CDH3: variants seen among roughly 807,000 people sequenced by gnomAD.
CDH3 encodes cadherin 3, also known as cadherin-3.
A neutral mutation model predicts 82.0 loss-of-function variants in CDH3; 54 were observed. The observed-to-expected ratio is 0.66, with a 90% CI of 0.53 to 0.83. The LOEUF is 0.83. Among genes scored for constraint, CDH3 ranks in the 40% least tolerant of loss-of-function variants. The pLI, the probability that CDH3 is intolerant of heterozygous loss-of-function variation, is 0.00. For missense variants in CDH3, 1,054 were observed against 1,084.6 expected, an observed-to-expected ratio of 0.97 and a Z score of 0.40; for synonymous variants, 446 against 437.9, an observed-to-expected ratio of 1.02 and a Z score of -0.23.
chr16:68,705,518 T>C (rs1384663747), intron 1 of CDH3, among the ~76,000 whole-genome samples: 1 of 151,724 alleles, frequency 6.6e-6, no homozygotes, highest in Non-Finnish European at 1.5e-5. Context: ...ACCTCCCGAG[T>C]TCAAGTGATC....
intron 2 of CDH3, among the ~76,000 whole-genome samples, chr16:68,665,789 C>G (rs994843406): frequency 6.6e-6 from 1 of 152,106 alleles, no homozygotes; most frequent in Non-Finnish European, 1.5e-5. Flanking sequence ...GGAAGACTCA[C>G]CTCCTAAGGG....
rs1295259099 is a variant in CDH3 at position 68,646,124 on chromosome 16, C to T, written c.160+374C>T. 2.9e-5 allele frequency: 8 copies of T among 272,362 alleles called. No individual in the cohort carries two copies. In the East Asian group the frequency reaches 7.4e-4, roughly 25 times the overall value. The allele number at this position is 272,362 out of a possible 1,614,324, so 16.9% of individuals were successfully genotyped here. A position where few individuals can be genotyped will look rare whatever the true frequency, so the allele number is the denominator to read the frequency against. The stretch of plus-strand genomic sequence containing the variant: ...CGCGCAGGTGTGGGGATGAGCCGTG[C>T]CCCGGGCAGCCCCCTTCGCCCCTCT... On this transcript the variant is annotated intron_variant, in intron 2 of 15. Transcript: ENST00000264012.
chr16:68,660,025 A>G (rs983767160), intron 2 of CDH3, among the ~76,000 whole-genome samples: 3 of 152,198 alleles, frequency 2.0e-5, no homozygotes, highest in Non-Finnish European at 4.4e-5. Context: ...CCAGTCTTCT[A>G]CTTTTATCTT....
chr16:68,666,270 TGCCATCC>T (rs1960730854), intron 2 of CDH3, among the ~76,000 whole-genome samples: 1 of 152,086 alleles, frequency 6.6e-6, no homozygotes, highest in Non-Finnish European at 1.5e-5. Context: ...TATAGATGGG[TGCCATCC>T]GCCAGGTGTA....
chr16:68,727,542 G>A (rs933239045), downstream of CDH3, among the ~76,000 whole-genome samples: 3 of 152,064 alleles, frequency 2.0e-5, no homozygotes, highest in Non-Finnish European at 2.9e-5. Context: ...TTGGGAGGCC[G>A]AGACGAGTGG....
chr16:68,722,573 C>G (rs1962176533), exon 2 of CDH3: 1 of 152,140 alleles, frequency 6.6e-6, no homozygotes, highest in Non-Finnish European at 1.5e-5. Flanking sequence ...AGTACATGAG[C>G]ACGTGGGGTG....
chr16:68,656,205 A>G (rs748657031), intron 2 of CDH3, among the ~76,000 whole-genome samples: 42 of 152,006 alleles, frequency 2.8e-4, no homozygotes, highest in Middle Eastern at 6.8e-3. Flanking sequence ...TCCCAGTTGT[A>G]CCAGTATGGA....
At chr16:68,687,947 C>T (rs1020508770) in intron 12 of CDH3, among the ~76,000 whole-genome samples, 1 of 151,218 alleles carries the variant, frequency 6.6e-6, no homozygotes, top group Non-Finnish European at 1.5e-5. Context: ...CTAGCCCAAC[C>T]GCCTTCCTGT....
At chr16:68,717,570 C>T (rs1390116105) in intron 1 of CDH3, among the ~76,000 whole-genome samples, 1 of 151,970 alleles carries the variant, frequency 6.6e-6, no homozygotes, top group East Asian at 1.9e-4. Flanking sequence ...GTCAGGAGTT[C>T]GAGACCAGCC....
chr16:68,678,396 AGT>A, intron 4 of CDH3, 103 bp from the exon 5 acceptor site: 1 of 1,579,280 alleles, frequency 6.3e-7, no homozygotes, highest in Non-Finnish European at 8.7e-7. Context: ...TCTCCTGTTC[AGT>A]GAGCAGATTC....
intron 13 of CDH3, among the ~76,000 whole-genome samples, chr16:68,694,175 A>G (rs1181762872): frequency 2.0e-5 from 3 of 151,724 alleles, no homozygotes; most frequent in Admixed American, 6.6e-5. Flanking sequence ...TAAATAAATA[A>G]ATAAATGGGC....
At chr16:68,731,944 T>C (rs781245907), downstream of CDH3, among the ~76,000 whole-genome samples, 1 of 152,132 alleles carries the variant, frequency 6.6e-6, no homozygotes, top group African/African-American at 2.4e-5. Flanking sequence ...ACTTTAAAAA[T>C]TGCAAAAAAC....
At chr16:68,731,047 A>ATACAT (rs1262844091), downstream of CDH3, among the ~76,000 whole-genome samples, 2 of 26,352 alleles carry the variant, frequency 7.6e-5, no homozygotes, top group Admixed American at 7.8e-4. Context: ...AAAAAAAAAA[A>ATACAT]ATATATATAT....
chr16:68,685,287 C>T lies in CDH3; in HGVS notation c.1507C>T (p.Arg503Cys), dbSNP rs375040740. 4.3e-6 allele frequency: 7 copies of T among 1,614,116 alleles called. No individual in the cohort carries two copies. Among genetic ancestry groups the T allele is most frequent in the East Asian group, 4.5e-5 (2 of 44,886 alleles). ...GGTCACAGCTGTGGGCACCCTCGACCGTGAGGATGAGCAGTTTGTGAGGAA... is the reference window on the plus strand; with the variant it reads ...GGTCACAGCTGTGGGCACCCTCGACTGTGAGGATGAGCAGTTTGTGAGGAA... The part of the protein sequence containing the change: ...GQVTAVGTLD[R>C]EDEQFVRNNI... The change falls in exon 11 of 16, where the codon CGT becomes TGT. Residue 503 changes from arginine to cysteine, a missense_variant. By Grantham distance (180) the Arg-to-Cys change is radical (BLOSUM62 -3). Transcript: ENST00000264012.
intron 2 of CDH3, among the ~76,000 whole-genome samples, chr16:68,672,892 G>A (rs1328846718): frequency 6.6e-6 from 1 of 152,152 alleles, no homozygotes; most frequent in Non-Finnish European, 1.5e-5. Flanking sequence ...GCCTGGATGA[G>A]TTTTGCCTGG....
Position 68,678,147 on chromosome 16 carries a change from T to C in CDH3, c.260T>C (p.Leu87Pro), listed in dbSNP as rs759001232. 6.2e-7 allele frequency: 1 copy of C among 1,614,056 alleles called. No homozygotes were observed. Among genetic ancestry groups the C allele is most frequent in the Non-Finnish European group, 8.5e-7 (1 of 1,179,898 alleles). The change falls in exon 4 of 16, where the codon CTG (leucine) becomes CCG (proline). Residue 87 changes from leucine (L) to proline (P), a missense_variant. Coordinates refer to ENST00000264012, the MANE Select transcript of CDH3 (RefSeq NM_001793.6). Reference sequence around the variant, plus strand: ...CTCTCCTTGCAGGAAAGAAGGTCACTGAAGGAAAGGAATCCATTGAAGATC... The same window carrying C: ...CTCTCCTTGCAGGAAAGAAGGTCACCGAAGGAAAGGAATCCATTGAAGATC... Reference protein sequence around the residue: ...NGETVQERRSLKERNPLKIFP... With the variant: ...NGETVQERRSPKERNPLKIFP...
intron 12 of CDH3, among the ~76,000 whole-genome samples, chr16:68,689,860 G>A (rs1407938398): frequency 6.6e-6 from 1 of 152,070 alleles, no homozygotes; most frequent in Non-Finnish European, 1.5e-5. Flanking sequence ...TAGAAACGTG[G>A]GGGTTGTTTT....
chr16:68,729,341 A>C (rs1020284508), downstream of CDH3, among the ~76,000 whole-genome samples: 1 of 152,148 alleles, frequency 6.6e-6, no homozygotes, highest in South Asian at 2.1e-4. Flanking sequence ...CTACAGAACA[A>C]ATGACCCTGT....
intron 1 of CDH3, among the ~76,000 whole-genome samples, chr16:68,710,037 C>G (rs537485115): frequency 6.6e-6 from 1 of 152,370 alleles, no homozygotes; most frequent in East Asian, 1.9e-4. Flanking sequence ...TGCTCTGCAA[C>G]CAGGAGGCAG....
Sources: allele counts gnomAD v4.1 joint callset (sites outside exome capture counted in the v4.1 genomes callset), GRCh38; gene constraint gnomAD v4.1.1; transcripts MANE v1.5; gene names NCBI Gene and HGNC (gene_info 2026-07-23, HGNC 2026-07-21).